Variants in TPH1 observed in about 807,000 individuals in gnomAD.
The protein encoded by TPH1 is tryptophan hydroxylase 1.
Under a neutral mutation model 49.5 loss-of-function variants are expected in TPH1, and 37 were observed. The ratio of observed to expected loss-of-function variants is 0.75; its 90% CI spans 0.58 to 0.98. The LOEUF is 0.98. Ranked by LOEUF, TPH1 falls within the 50% of genes least tolerant of loss-of-function variation. TPH1 has a pLI of 0.00. For synonymous variants in TPH1, 160 were observed against 182.1 expected (o/e 0.88, Z 0.98); for missense variants, 487 against 523.6 (o/e 0.93, Z 0.68).
intron 5 of TPH1, 28 bp from the exon 6 acceptor site, chr11:18,029,389 T>C (rs755269062): frequency 1.9e-6 from 3 of 1,604,062 alleles, no homozygotes; most frequent in Non-Finnish European, 2.6e-6. Flanking sequence ...AGGAGTTGTT[T>C]TGAATTAGCA....
intron 2 of TPH1, among the ~76,000 whole-genome samples, chr11:18,039,880 C>G (rs1432844731): frequency 6.6e-6 from 1 of 151,934 alleles, no homozygotes; most frequent in Non-Finnish European, 1.5e-5. Context: ...CATTTTAAGG[C>G]TCATAATACA....
At position 18,026,393 on chromosome 11, in the gene TPH1, C is replaced by CAAAAAAAA. The variant is rs57335932; in HGVS notation, c.803+89_803+96dup. On this transcript the variant is annotated intron_variant, in intron 7 of 10. Coordinates refer to ENST00000682019, the MANE Select transcript of TPH1 (RefSeq NM_004179.3). Reference sequence around the variant, plus strand: ...GCTAATTTATTTAATCCTCGCACACCAAAAAAAAAAAAAAAAAAAAAAAAG... The same window carrying CAAAAAAAA: ...GCTAATTTATTTAATCCTCGCACACCAAAAAAAAAAAAAAAAAAAAAAAAAAAAAAAAG... 44 of 588,744 alleles carry CAAAAAAAA rather than the reference C, an allele frequency of 7.5e-5. 5 individuals are homozygous for CAAAAAAAA. The highest frequency in any genetic ancestry group is 4.8e-4 in the African/African-American group (14 of 28,918). 36.5% of individuals were successfully genotyped at this position (588,744 alleles called of 1,614,324 possible).
rs1341077447 is a variant in TPH1 at position 18,018,370 on chromosome 11, A to C, written c.*2621T>G. On this transcript the variant is annotated 3_prime_UTR_variant, in exon 11 of 11. Coordinates refer to ENST00000682019, the MANE Select transcript of TPH1 (RefSeq NM_004179.3). ...GAGAAGAACTGAAATCCATCATTAAAAATTTCCAATGTTTGGCCGGGTGCA... is the reference window on the plus strand; with the variant it reads ...GAGAAGAACTGAAATCCATCATTAACAATTTCCAATGTTTGGCCGGGTGCA... 1 of 151,170 alleles carries C rather than the reference A, an allele frequency of 6.6e-6. No individual in the cohort carries two copies. Among genetic ancestry groups the C allele is most frequent in the Admixed American group, 6.6e-5 (1 of 15,144 alleles). 9.4% of individuals were successfully genotyped at this position (151,170 alleles called of 1,614,324 possible).
At chr11:18,023,531 A>G (rs73428363) in intron 9 of TPH1, among the ~76,000 whole-genome samples, 1 of 152,194 alleles carries the variant, frequency 6.6e-6, no homozygotes, top group African/African-American at 2.4e-5. Context: ...AAAATATTTC[A>G]TGTGTGTGTG....
chr11:18,025,580 C>A lies in TPH1; in HGVS notation c.925G>T (p.Ala309Ser). ...AGCTAATTCCAGATTTATACCGTTG[C>A]CAGTTTTTGAACAGCCTCCTCTGAA... ...GASEEAVQKL[A>S]TCYFFTVEFG... The change falls in exon 8 of 11, where the codon GCA (alanine) becomes TCA (serine). Residue 309 changes from alanine to serine, a missense_variant. Coordinates refer to ENST00000682019, the MANE Select transcript of TPH1 (RefSeq NM_004179.3). 1.2e-6 allele frequency: 2 copies of A among 1,613,884 alleles called. No homozygotes were observed. Among genetic ancestry groups the A allele is most frequent in the Non-Finnish European group, 1.7e-6 (2 of 1,179,786 alleles).
intron 2 of TPH1, among the ~76,000 whole-genome samples, chr11:18,039,188 C>A (rs1848074985): frequency 6.6e-6 from 1 of 152,176 alleles, no homozygotes; most frequent in African/African-American, 2.4e-5. Context: ...ATATTCTTTG[C>A]AAACAGCTAT....
chr11:18,025,781 A>T (rs1847923724), intron 7 of TPH1, 80 bp from the exon 8 acceptor site: 3 of 1,561,212 alleles, frequency 1.9e-6, no homozygotes, highest in Non-Finnish European at 2.6e-6. Context: ...ATCGAAATCC[A>T]ATATTTTATT....
Position 18,019,586 on chromosome 11 carries a change from A to G in TPH1, c.*1405T>C, listed in dbSNP as rs186803567. 6.2e-4 allele frequency: 279 copies of G among 451,078 alleles called. No homozygotes were observed. The highest frequency in any genetic ancestry group is 5.1e-3 in the African/African-American group (254 of 49,692). The allele number at this position is 451,078 out of a possible 1,614,324, so 27.9% of individuals were successfully genotyped here. A position where few individuals can be genotyped will look rare whatever the true frequency, so the allele number is the denominator to read the frequency against. ...TTCGTTGGAATTAAGGGGCAAAAAA[A>G]TTCAAGAAAGATGTCAGGGTTATAA... is the stretch of plus-strand genomic sequence containing the variant. On this transcript the variant is annotated 3_prime_UTR_variant, in exon 11 of 11. Coordinates refer to ENST00000682019, the MANE Select transcript of TPH1 (RefSeq NM_004179.3).
In TPH1 at chr11:18,023,872, G is replaced by C. The variant is rs775019801; in HGVS notation, c.1026+16C>G. 2 of 1,595,316 alleles carry C rather than the reference G, an allele frequency of 1.3e-6. No homozygotes were observed. The highest frequency in any genetic ancestry group is 3.3e-5 in the Admixed American group (2 of 59,958). On this transcript the variant is annotated intron_variant, in intron 9 of 10. Coordinates refer to ENST00000682019, the MANE Select transcript of TPH1 (RefSeq NM_004179.3). ...TTAGGTGAATATGGTTATATACAAA[G>C]ATTTGCAACTCTTACTTTGAGTTCA...
chr11:18,038,092 A>C (rs531515975), intron 2 of TPH1, among the ~76,000 whole-genome samples: 2 of 152,348 alleles, frequency 1.3e-5, no homozygotes, highest in African/African-American at 4.8e-5. Context: ...AAGAAGTTGA[A>C]GAGGCCATCG....
At chr11:18,045,637 A>T (rs1228613444) in intron 1 of TPH1, among the ~76,000 whole-genome samples, 1 of 152,114 alleles carries the variant, frequency 6.6e-6, no homozygotes, top group African/African-American at 2.4e-5. Context: ...GTTCACACGG[A>T]CTCTTAACTG....
rs1854340587 is a variant in TPH1, at chr11:18,020,089, T to C, written c.*902A>G. 1 of 215,504 alleles carries C rather than the reference T, an allele frequency of 4.6e-6. No homozygotes were observed. Among genetic ancestry groups the C allele is most frequent in the South Asian group, 7.5e-5 (1 of 13,254 alleles). The allele number at this position is 215,504 out of a possible 1,614,324, so 13.3% of individuals were successfully genotyped here. A position where few individuals can be genotyped will look rare whatever the true frequency, so the allele number is the denominator to read the frequency against. On this transcript the variant is annotated 3_prime_UTR_variant, in exon 11 of 11. Transcript: ENST00000682019. ...GTTTGAACTCTTCCTTTGATAACAA[T>C]GCTTCCTGTTAATCTGGGGACAATC...
rs776393065 is a variant in TPH1, at chr11:18,023,883, CTTACT to C, written c.1026_1026+4del. The C allele has an allele frequency of 6.2e-7, 1 of 1,609,588 alleles. No homozygotes were observed. Among genetic ancestry groups the C allele is most frequent in the Non-Finnish European group, 8.5e-7 (1 of 1,176,446 alleles). ...TGGTTATATACAAAGATTTGCAACTCTTACTTTGAGTTCACTGATAGAAGAAAGTA... is the reference window on the plus strand; with the variant it reads ...TGGTTATATACAAAGATTTGCAACTCTTGAGTTCACTGATAGAAGAAAGTA... On this transcript the variant is annotated splice_donor_variant and splice_donor_region_variant and coding_sequence_variant and intron_variant, in exon 9 of 11. Transcript: ENST00000682019. LOFTEE classifies it high-confidence loss of function.
intron 4 of TPH1, among the ~76,000 whole-genome samples, chr11:18,031,722 CCCAGATTTTCTTG>C (rs1847991305): frequency 6.6e-6 from 1 of 152,008 alleles, no homozygotes; most frequent in African/African-American, 2.4e-5. Flanking sequence ...ATAAACATGC[CCCAGATTTTCTTG>C]CCTCTGAACC....
At chr11:18,027,738 T>C (rs1488054121) in intron 6 of TPH1, among the ~76,000 whole-genome samples, 2 of 152,226 alleles carry the variant, frequency 1.3e-5, no homozygotes, top group East Asian at 3.8e-4. Context: ...ACAACTTCCG[T>C]AGCATATATT....
chr11:18,020,909 C>T lies in TPH1; in HGVS notation c.*82G>A. Reference sequence around the variant, plus strand: ...GTTTGGCCAGAAGATGCTGTCCCTCCAGGATCAGGTGTTCAAGGAAAGCAA... The same window carrying T: ...GTTTGGCCAGAAGATGCTGTCCCTCTAGGATCAGGTGTTCAAGGAAAGCAA... On this transcript the variant is annotated 3_prime_UTR_variant, in exon 11 of 11. Transcript: ENST00000682019. The T allele has an allele frequency of 7.6e-7, 1 of 1,320,004 alleles. No individual in the cohort carries two copies. Among genetic ancestry groups the T allele is most frequent in the South Asian group, 1.2e-5 (1 of 84,392 alleles). The allele number at this position is 1,320,004 out of a possible 1,614,324, so 81.8% of individuals were successfully genotyped here. A position where few individuals can be genotyped will look rare whatever the true frequency, so the allele number is the denominator to read the frequency against.
intron 8 of TPH1, among the ~76,000 whole-genome samples, chr11:18,025,352 C>T (rs1847917441): frequency 6.6e-6 from 1 of 151,924 alleles, no homozygotes; most frequent in Admixed American, 6.6e-5. Flanking sequence ...CTCTTCTCTT[C>T]TCTTTCTTTT....
chr11:18,031,884 G>A (rs1034450524), intron 4 of TPH1, among the ~76,000 whole-genome samples: 1 of 151,950 alleles, frequency 6.6e-6, no homozygotes, highest in African/African-American at 2.4e-5. Context: ...GTATTTTGAG[G>A]CAATTTTTTC....
intron 6 of TPH1, among the ~76,000 whole-genome samples, 169 bp downstream of exon 6, chr11:18,028,996 C>A (rs1437513263): frequency 6.9e-6 from 1 of 144,360 alleles, no homozygotes; most frequent in Non-Finnish European, 1.5e-5. Context: ...ACCCAGGAGG[C>A]AGAGGCTGCA....
Sources: allele counts gnomAD v4.1 joint callset (sites outside exome capture counted in the v4.1 genomes callset), GRCh38; gene constraint gnomAD v4.1.1; transcripts MANE v1.5; gene names NCBI Gene and HGNC (gene_info 2026-07-23, HGNC 2026-07-21).